AGBL4: variants seen among roughly 807,000 people sequenced by gnomAD.
AGBL4 encodes the protein AGBL carboxypeptidase 4, also known as cytosolic carboxypeptidase 6.
AGBL4 carries 58 observed loss-of-function variants against 66.4 expected under a neutral mutation model. The observed-to-expected ratio is 0.87, with a 90% CI of 0.71 to 1.09. The LOEUF is 1.09. Ranked by LOEUF, AGBL4 falls within the 50% of genes least tolerant of loss-of-function variation. The pLI is 0.00. For missense variants in AGBL4, 579 were observed against 631.0 expected, an observed-to-expected ratio of 0.92 and a Z score of 0.88; for synonymous variants, 234 against 222.9, an observed-to-expected ratio of 1.05 and a Z score of -0.44.
intron 2 of AGBL4, among the ~76,000 whole-genome samples, chr1:49,766,490 A>C (rs940701174): frequency 1.3e-5 from 2 of 152,182 alleles, no homozygotes; most frequent in African/African-American, 4.8e-5. Context: ...GCTTAAGTAC[A>C]TAGCTAACAA....
chr1:49,599,496 C>T (rs182481827), intron 3 of AGBL4, among the ~76,000 whole-genome samples: 4 of 151,544 alleles, frequency 2.6e-5, no homozygotes, highest in Admixed American at 2.6e-4. Flanking sequence ...TTTATTGATT[C>T]TTCTCTCTTT....
At chr1:48,661,107 T>C (rs1043536738) in intron 7 of AGBL4, among the ~76,000 whole-genome samples, 1 of 111,146 alleles carries the variant, frequency 9.0e-6, no homozygotes, top group Non-Finnish European at 2.2e-5. Flanking sequence ...ACACAGCTCG[T>C]GGTATAAAGA....
At chr1:49,831,232 A>G (rs1315517763) in intron 2 of AGBL4, among the ~76,000 whole-genome samples, 2 of 152,138 alleles carry the variant, frequency 1.3e-5, no homozygotes, top group Non-Finnish European at 2.9e-5. Flanking sequence ...GATTCTTCCT[A>G]TCCATGAGCA....
intron 6 of AGBL4, among the ~76,000 whole-genome samples, chr1:48,673,006 G>A (rs1197243983): frequency 3.9e-5 from 6 of 152,050 alleles, no homozygotes; most frequent in East Asian, 1.9e-4. Context: ...TACGTTGCCC[G>A]GGGCTGCCAG....
intron 2 of AGBL4, among the ~76,000 whole-genome samples, chr1:49,812,647 G>A (rs1230684096): frequency 2.0e-5 from 3 of 152,070 alleles, no homozygotes; most frequent in Non-Finnish European, 4.4e-5. Context: ...TAGAAATGTA[G>A]ACCACTAATG....
At chr1:49,560,241 A>T (rs1053606870) in intron 3 of AGBL4, among the ~76,000 whole-genome samples, 9 of 152,174 alleles carry the variant, frequency 5.9e-5, no homozygotes, top group African/African-American at 2.2e-4. Context: ...CGGAGAAAAA[A>T]ATCAGAATTT....
intron 3 of AGBL4, among the ~76,000 whole-genome samples, chr1:49,573,502 A>G (rs1644375778): frequency 6.6e-6 from 1 of 152,198 alleles, no homozygotes; most frequent in South Asian, 2.1e-4. Flanking sequence ...CCATATGTGG[A>G]GAACCAAGGA....
At chr1:49,298,094 C>T (rs552745880) in intron 3 of AGBL4, among the ~76,000 whole-genome samples, 1 of 152,342 alleles carries the variant, frequency 6.6e-6, no homozygotes, top group Non-Finnish European at 1.5e-5. Flanking sequence ...AAAACTCACA[C>T]TTCTGTAAAT....
intron 5 of AGBL4, among the ~76,000 whole-genome samples, chr1:49,009,208 C>T (rs1414126565): frequency 2.0e-5 from 3 of 151,828 alleles, no homozygotes; most frequent in Admixed American, 2.0e-4. Flanking sequence ...CACCACTGAT[C>T]CCACAGAAAT....
intron 4 of AGBL4, among the ~76,000 whole-genome samples, chr1:49,180,417 G>A (rs1256804010): frequency 6.6e-6 from 1 of 152,120 alleles, no homozygotes; most frequent in Non-Finnish European, 1.5e-5. Flanking sequence ...CATTTATCTG[G>A]CCCCTGCTAA....
intron 2 of AGBL4, among the ~76,000 whole-genome samples, chr1:49,710,902 A>T (rs1356872688): frequency 1.3e-5 from 2 of 151,868 alleles, no homozygotes; most frequent in Non-Finnish European, 2.9e-5. Flanking sequence ...AATTAAAATT[A>T]AAAAATAAGC....
intron 2 of AGBL4, among the ~76,000 whole-genome samples, chr1:49,795,136 G>A (rs1460576690): frequency 6.6e-6 from 1 of 151,704 alleles, no homozygotes; most frequent in Non-Finnish European, 1.5e-5. Flanking sequence ...TATTTTAAAT[G>A]AAGAGAAAAT....
chr1:49,513,824 T>A (rs1015323790), intron 3 of AGBL4, among the ~76,000 whole-genome samples: 2 of 152,002 alleles, frequency 1.3e-5, no homozygotes, highest in Non-Finnish European at 2.9e-5. Flanking sequence ...GACAAATTAA[T>A]CAGTTAACAA....
chr1:48,847,372 A>G (rs1008694902), intron 6 of AGBL4, among the ~76,000 whole-genome samples: 2 of 150,792 alleles, frequency 1.3e-5, no homozygotes, highest in Admixed American at 1.3e-4. Context: ...CCAAGGTCAA[A>G]GAAGGCACTT....
At chr1:49,404,906 C>T (rs1645163882) in intron 3 of AGBL4, among the ~76,000 whole-genome samples, 1 of 152,172 alleles carries the variant, frequency 6.6e-6, no homozygotes, top group Non-Finnish European at 1.5e-5. Flanking sequence ...CAGAGAGTTA[C>T]TGAATTTCAC....
chr1:48,813,395 T>A (rs924214514), intron 6 of AGBL4, among the ~76,000 whole-genome samples: 1 of 151,992 alleles, frequency 6.6e-6, no homozygotes, highest in African/African-American at 2.4e-5. Flanking sequence ...AAATAAGCAA[T>A]GGGAAAATCA....
At chr1:48,975,915 C>T (rs1659301143) in intron 5 of AGBL4, among the ~76,000 whole-genome samples, 2 of 152,000 alleles carry the variant, frequency 1.3e-5, no homozygotes, top group Non-Finnish European at 2.9e-5. Flanking sequence ...CAGAGGTATC[C>T]CTGAAAGATA....
chr1:49,201,554 C>G (rs771591313), intron 4 of AGBL4, among the ~76,000 whole-genome samples: 24 of 152,248 alleles, frequency 1.6e-4, no homozygotes, highest in Admixed American at 3.3e-4. Context: ...ATGTGTGTGA[C>G]TGTACTGAAG....
At chr1:49,823,326 A>G (rs2147997257) in intron 2 of AGBL4, among the ~76,000 whole-genome samples, 1 of 152,282 alleles carries the variant, frequency 6.6e-6, no homozygotes, top group East Asian at 1.9e-4. Flanking sequence ...GGCTGGAAAA[A>G]TTATTATGTC....
Sources: gnomAD v4.1 joint callset for allele counts (sites outside exome capture counted in the v4.1 genomes callset) on GRCh38, gnomAD v4.1.1 for gene constraint, MANE v1.5 for transcripts, NCBI Gene and HGNC (gene_info 2026-07-23, HGNC 2026-07-21) for gene names.